Variants in TBC1D4 observed in about 807,000 individuals in gnomAD.
The protein encoded by TBC1D4 is TBC1 domain family member 4, also known as TBC (Tre-2, BUB2, CDC16) domain-containing protein.
TBC1D4 carries 121 observed loss-of-function variants against 142.5 expected under a neutral mutation model. The ratio of observed to expected loss-of-function variants is 0.85; its 90% confidence interval spans 0.73 to 0.99. The LOEUF (loss-of-function observed/expected upper bound fraction) is 0.99. Ranked by LOEUF, TBC1D4 falls within the 50% of genes least tolerant of loss-of-function variation. The probability of loss-of-function intolerance (pLI) is 0.00; values close to 1 mark genes in which losing one functional copy is unlikely to be tolerated. For synonymous variants in TBC1D4, 630 were observed against 628.2 expected (o/e 1.00, Z -0.04); for missense variants, 1,475 against 1,606.6 (o/e 0.92, Z 1.40).
intron 1 of TBC1D4, among the ~76,000 whole-genome samples, chr13:75,480,900 C>CACACAG (rs1220919118): frequency 2.3e-5 from 3 of 128,744 alleles, no homozygotes; most frequent in Non-Finnish European, 5.4e-5. Flanking sequence ...CACACACACA[C>CACACAG]ACACACGGCA....
chr13:75,324,754 A>G (rs550377897), intron 10 of TBC1D4, among the ~76,000 whole-genome samples: 1 of 152,370 alleles, frequency 6.6e-6, no homozygotes, highest in East Asian at 1.9e-4. Context: ...TACAGGAAAC[A>G]AGTTCCAGAA....
Position 75,287,036 on chromosome 13 carries a change from G to T in TBC1D4, c.3664-11C>A, listed in dbSNP as rs776609409. On this transcript the variant is annotated splice_polypyrimidine_tract_variant and intron_variant, in intron 20 of 20. Coordinates refer to ENST00000377636, the MANE Select transcript of TBC1D4 (RefSeq NM_014832.5). The stretch of plus-strand genomic sequence containing the variant: ...TTTAGTATGAGCTACCTGTTTGGGG[G>T]GGAAAAAATCCTCCAAATCAAATGA... 1 of 1,597,932 alleles carries T rather than the reference G, an allele frequency of 6.3e-7. No homozygotes were observed. Among genetic ancestry groups the T allele is most frequent in the East Asian group, 2.2e-5 (1 of 44,850 alleles).
intron 1 of TBC1D4, among the ~76,000 whole-genome samples, chr13:75,410,883 C>A (rs1324128423): frequency 8.1e-6 from 1 of 123,314 alleles, no homozygotes; most frequent in Non-Finnish European, 1.6e-5. Context: ...TTGCAGTGAG[C>A]CGAGATCGCG....
chr13:75,465,945 C>T (rs1347038417), intron 1 of TBC1D4, among the ~76,000 whole-genome samples: 1 of 152,130 alleles, frequency 6.6e-6, no homozygotes, highest in African/African-American at 2.4e-5. Flanking sequence ...GACCTGGAAG[C>T]CCCCACTTCT....
intron 18 of TBC1D4, among the ~76,000 whole-genome samples, chr13:75,292,715 C>T (rs1344534568): frequency 7.4e-6 from 1 of 134,762 alleles, no homozygotes; most frequent in Non-Finnish European, 1.5e-5. Flanking sequence ...CTATACCACA[C>T]CAGGAAATTA....
At chr13:75,420,858 G>T (rs1886135570) in intron 1 of TBC1D4, among the ~76,000 whole-genome samples, 1 of 152,082 alleles carries the variant, frequency 6.6e-6, no homozygotes, top group Non-Finnish European at 1.5e-5. Context: ...ATCTAGAGAA[G>T]AAATATACCC....
intron 1 of TBC1D4, chr13:75,367,097 A>G: frequency 2.2e-6 from 1 of 455,662 alleles, no homozygotes; most frequent in Non-Finnish European, 2.9e-6. Flanking sequence ...TCCCAGGAGT[A>G]ACCATTATTG....
chr13:75,381,361 C>T (rs747350210), intron 1 of TBC1D4, among the ~76,000 whole-genome samples: 1 of 152,106 alleles, frequency 6.6e-6, no homozygotes. Flanking sequence ...AATAACTATA[C>T]CTGGCTTTTC....
At chr13:75,300,258 T>C (rs1009334249) in intron 16 of TBC1D4, among the ~76,000 whole-genome samples, 1 of 152,262 alleles carries the variant, frequency 6.6e-6, no homozygotes, top group Admixed American at 6.5e-5. Flanking sequence ...CTCTAAAATA[T>C]ACCTCTAGGT....
chr13:75,455,395 T>C (rs935071913), intron 1 of TBC1D4, among the ~76,000 whole-genome samples: 2 of 152,130 alleles, frequency 1.3e-5, no homozygotes, highest in East Asian at 3.9e-4. Context: ...ATTAAATATA[T>C]GTAAGCTAAT....
At chr13:75,390,062 G>T (rs1166655758) in intron 1 of TBC1D4, among the ~76,000 whole-genome samples, 1 of 152,024 alleles carries the variant, frequency 6.6e-6, no homozygotes, top group African/African-American at 2.4e-5. Flanking sequence ...GATCAGTTGG[G>T]GTCAGGAGTT....
At chr13:75,420,894 A>T (rs1423323027) in intron 1 of TBC1D4, among the ~76,000 whole-genome samples, 1 of 152,214 alleles carries the variant, frequency 6.6e-6, no homozygotes, top group African/African-American at 2.4e-5. Flanking sequence ...CGAGGCCTTC[A>T]GAAAACGGAC....
rs1162070397 is a variant in TBC1D4, at chr13:75,349,303, C to T, written c.1276-1G>A. On this transcript the variant is annotated splice_acceptor_variant, in intron 4 of 20. Transcript: ENST00000377636. LOFTEE classifies it high-confidence loss of function. ...TCAGAGTCAGCATTACCTCATCAACCTACAGGAAGAAACAAAACTCAGGTC... is the reference window on the plus strand; with the variant it reads ...TCAGAGTCAGCATTACCTCATCAACTTACAGGAAGAAACAAAACTCAGGTC... 1 of 1,613,762 alleles carries T rather than the reference C, an allele frequency of 6.2e-7. No homozygotes were observed.
intron 1 of TBC1D4, among the ~76,000 whole-genome samples, chr13:75,404,011 G>T (rs192449083): frequency 3.3e-5 from 5 of 150,420 alleles, no homozygotes; most frequent in African/African-American, 1.2e-4. Context: ...TATATATATA[G>T]GTGGTGTAAC....
At chr13:75,303,658 C>T (rs1876828994) in intron 15 of TBC1D4, among the ~76,000 whole-genome samples, 1 of 152,204 alleles carries the variant, frequency 6.6e-6, no homozygotes, top group African/African-American at 2.4e-5. Context: ...ACAGTAATCT[C>T]TTCTGACTGA....
At chr13:75,456,397 G>T (rs1459936286) in intron 1 of TBC1D4, among the ~76,000 whole-genome samples, 2 of 151,926 alleles carry the variant, frequency 1.3e-5, no homozygotes, top group East Asian at 3.9e-4. Context: ...TAGAAGAATG[G>T]ATTTGCAATA....
chr13:75,324,430 CTTAATT>C, intron 10 of TBC1D4, 29 bp from the exon 11 acceptor site: 1 of 1,611,748 alleles, frequency 6.2e-7, no homozygotes, highest in Non-Finnish European at 8.5e-7. Context: ...GCAAATATGT[CTTAATT>C]TATATTTTGA....
chr13:75,386,732 A>C (rs558027945), intron 1 of TBC1D4, among the ~76,000 whole-genome samples: 1 of 151,368 alleles, frequency 6.6e-6, no homozygotes, highest in Admixed American at 6.6e-5. Flanking sequence ...AAGTACAAAT[A>C]AAAAAAACAC....
chr13:75,378,276 T>A (rs971360375), intron 1 of TBC1D4, among the ~76,000 whole-genome samples: 1 of 152,288 alleles, frequency 6.6e-6, no homozygotes, highest in East Asian at 1.9e-4. Flanking sequence ...TAGAAACTTT[T>A]GGAATGTTTT....
Sources: gnomAD v4.1 joint callset for allele counts (sites outside exome capture counted in the v4.1 genomes callset) on GRCh38, gnomAD v4.1.1 for gene constraint, MANE v1.5 for transcripts, NCBI Gene and HGNC (gene_info 2026-07-23, HGNC 2026-07-21) for gene names.